STK32A: variants seen among roughly 807,000 people sequenced by gnomAD.
STK32A encodes serine/threonine kinase 32A.
In STK32A, 41 loss-of-function variants were observed where a neutral mutation model predicts 53.2. The ratio of observed to expected loss-of-function variants is 0.77; its 90% CI spans 0.60 to 1.00. The LOEUF (loss-of-function observed/expected upper bound fraction) is 1.00, where lower values mean the gene tolerates loss of function less well. Ranked by LOEUF, STK32A falls within the 50% of genes least tolerant of loss-of-function variation. The probability of loss-of-function intolerance (pLI) is 0.00; values close to 1 mark genes in which losing one functional copy is unlikely to be tolerated. For missense variants in STK32A, 458 were observed against 485.8 expected, an observed-to-expected ratio of 0.94 and a Z score of 0.54; for synonymous variants, 166 against 162.8, an observed-to-expected ratio of 1.02 and a Z score of -0.15.
chr5:147,380,586 GTC>G (rs1480089012), intron 11 of STK32A, among the ~76,000 whole-genome samples: 7 of 152,130 alleles, frequency 4.6e-5, no homozygotes, highest in Non-Finnish European at 8.8e-5. Flanking sequence ...GTCTAATTCT[GTC>G]CTGGGACTGG....
At chr5:147,282,167 A>G (rs543627756) in intron 4 of STK32A, among the ~76,000 whole-genome samples, 263 of 152,264 alleles carry the variant, frequency 1.7e-3, no homozygotes, top group Admixed American at 2.8e-3. Context: ...AGCATAAATC[A>G]CAGAGGATCT....
chr5:147,251,961 G>T (rs1435718334), intron 2 of STK32A, among the ~76,000 whole-genome samples: 1 of 152,070 alleles, frequency 6.6e-6, no homozygotes, highest in African/African-American at 2.4e-5. Flanking sequence ...CCAACACTTT[G>T]GGAGGCTGAG....
intron 4 of STK32A, among the ~76,000 whole-genome samples, chr5:147,292,753 C>T (rs753824629): frequency 1.1e-4 from 16 of 151,944 alleles, no homozygotes; most frequent in Admixed American, 2.0e-4. Context: ...CCCAGCTACT[C>T]GGGAGGCTGA....
At chr5:147,300,818 A>G (rs1237339911) in intron 4 of STK32A, among the ~76,000 whole-genome samples, 2 of 152,246 alleles carry the variant, frequency 1.3e-5, no homozygotes, top group African/African-American at 4.8e-5. Flanking sequence ...TAGGAATAAC[A>G]GGAATACTCA....
At chr5:147,247,259 C>A (rs1193916253) in intron 2 of STK32A, among the ~76,000 whole-genome samples, 1 of 152,176 alleles carries the variant, frequency 6.6e-6, no homozygotes, top group Non-Finnish European at 1.5e-5. Context: ...AATTCACAAA[C>A]TCAGGTCCCA....
intron 4 of STK32A, among the ~76,000 whole-genome samples, chr5:147,307,624 CAAAAA>C (rs34762967): frequency 4.0e-5 from 3 of 75,296 alleles, no homozygotes; most frequent in Non-Finnish European, 5.1e-5. Context: ...GACGCTGTCT[CAAAAA>C]AAAAAAAAAA....
intron 11 of STK32A, 21 bp downstream of exon 11, chr5:147,375,239 C>T (rs1002368200): frequency 1.9e-6 from 3 of 1,608,216 alleles, no homozygotes; most frequent in Admixed American, 1.7e-5. Context: ...CCCCACCAAA[C>T]TCAGGGTCAT....
chr5:147,342,044 C>T (rs1382539024), intron 5 of STK32A, among the ~76,000 whole-genome samples: 2 of 152,102 alleles, frequency 1.3e-5, no homozygotes, highest in Non-Finnish European at 2.9e-5. Context: ...TATAACAGCC[C>T]TCACTTTTCC....
intron 2 of STK32A, among the ~76,000 whole-genome samples, chr5:147,277,853 G>A (rs78481698): frequency 0.03 from 4,520 of 152,094 alleles, 243 homozygotes; most frequent in African/African-American, 0.1. Flanking sequence ...AAGAGTCTCC[G>A]TCTTTACAGG....
chr5:147,395,512 T>C, the STK32A span: 2 of 1,566,672 alleles, frequency 1.3e-6, no homozygotes, highest in South Asian at 1.2e-5. Context: ...AACATTGATC[T>C]TCCCCTTCCC....
intron 1 of STK32A, among the ~76,000 whole-genome samples, chr5:147,237,202 A>G (rs937625195): frequency 6.6e-6 from 1 of 152,024 alleles, no homozygotes; most frequent in Non-Finnish European, 1.5e-5. Context: ...AGTCTCAGCT[A>G]CTTGGGAGGC....
At chr5:147,316,463 C>T (rs979064514) in intron 4 of STK32A, among the ~76,000 whole-genome samples, 60 of 152,112 alleles carry the variant, frequency 3.9e-4, no homozygotes, top group Admixed American at 3.9e-3. Flanking sequence ...TCAAACAAAA[C>T]ATGATCTAAC....
Position 147,373,237 on chromosome 5 carries a change from T to C in STK32A, c.846T>C (p.Asn282=), listed in dbSNP as rs772628357. Residue 282 remains asparagine, a synonymous_variant, in exon 10 of 13, where the codon AAT becomes AAC. Transcript: ENST00000397936. ...LSDVQNFPYM[N]DINWDAVFQK... ...ATGTCCAGAACTTCCCGTATATGAA[T>C]GATATAAACTGGGATGCAGTTTTTC... 12 of 1,613,388 alleles carry C rather than the reference T, an allele frequency of 7.4e-6. No homozygotes were observed. Among genetic ancestry groups the C allele is most frequent in the Non-Finnish European group, 1.0e-5 (12 of 1,179,610 alleles).
At chr5:147,267,670 C>G (rs1376017009) in intron 2 of STK32A, among the ~76,000 whole-genome samples, 1 of 152,110 alleles carries the variant, frequency 6.6e-6, no homozygotes, top group Non-Finnish European at 1.5e-5. Flanking sequence ...TTTACAGATA[C>G]TTATTAAATT....
intron 4 of STK32A, among the ~76,000 whole-genome samples, chr5:147,311,429 A>G (rs1371768553): frequency 3.3e-5 from 5 of 152,212 alleles, no homozygotes; most frequent in African/African-American, 4.8e-5. Context: ...GCTATATGCC[A>G]GGGGTTGCTG....
chr5:147,272,464 C>A (rs925309160), intron 2 of STK32A, among the ~76,000 whole-genome samples: 1 of 152,134 alleles, frequency 6.6e-6, no homozygotes, highest in African/African-American at 2.4e-5. Context: ...AAATTAGCTA[C>A]TTAAAAATAA....
At chr5:147,394,160 AAC>A in the STK32A span, 20 of 1,607,382 alleles carry the variant, frequency 1.2e-5, no homozygotes, top group African/African-American at 5.4e-5. Flanking sequence ...GGAAAAAAAA[AAC>A]AGAGTGGCGG....
At chr5:147,399,231 T>C in the STK32A span, 4 of 1,614,176 alleles carry the variant, frequency 2.5e-6, no homozygotes, top group Non-Finnish European at 3.4e-6. Context: ...ACGAACTGGT[T>C]TTCGTCCATT....
At chr5:147,392,277 GA>G (rs775342340), downstream of STK32A, 2 of 152,186 alleles carry the variant, frequency 1.3e-5, no homozygotes, top group Non-Finnish European at 2.9e-5. Flanking sequence ...ATTCTAAGGG[GA>G]AATAGTCTTT....
Sources: allele counts gnomAD v4.1 joint callset (sites outside exome capture counted in the v4.1 genomes callset), GRCh38; gene constraint gnomAD v4.1.1; transcripts MANE v1.5; gene names NCBI Gene and HGNC (gene_info 2026-07-23, HGNC 2026-07-21).